Variants in SLCO3A1 observed in about 807,000 individuals in gnomAD.
SLCO3A1 encodes the protein solute carrier organic anion transporter family member 3A1, also known as PGE1 transporter.
Under a neutral mutation model 63.1 loss-of-function variants are expected in SLCO3A1, and 27 were observed. The ratio of observed to expected loss-of-function variants is 0.43; its 90% CI spans 0.32 to 0.59. SLCO3A1 has a LOEUF of 0.59. Among genes scored for constraint, SLCO3A1 ranks in the 20% least tolerant of loss-of-function variants. The probability of loss-of-function intolerance (pLI) is 0.09; values close to 1 mark genes in which losing one functional copy is unlikely to be tolerated. For synonymous variants in SLCO3A1, 473 were observed against 409.9 expected (o/e 1.15, Z -1.86); for missense variants, 773 against 945.8 (o/e 0.82, Z 2.40).
intron 2 of SLCO3A1, among the ~76,000 whole-genome samples, chr15:91,974,276 T>TATTATTATTATTA (rs1901008131): frequency 6.7e-6 from 1 of 148,952 alleles, no homozygotes. Context: ...TTATTATTAT[T>TATTATTATTATTA]ATTATTATTA....
chr15:91,978,719 T>C (rs1901216015), intron 2 of SLCO3A1, among the ~76,000 whole-genome samples: 1 of 152,236 alleles, frequency 6.6e-6, no homozygotes, highest in Non-Finnish European at 1.5e-5. Context: ...AGTAGATAGA[T>C]TAAACTAAAC....
chr15:92,164,542 A>G lies in SLCO3A1; in HGVS notation c.*1407A>G. The stretch of plus-strand genomic sequence containing the variant: ...CACTCTTAGATGTGGGTTTGTGTGT[A>G]TGGGTGCAACACTTCCGGGGATAGG... On this transcript the variant is annotated 3_prime_UTR_variant, in exon 10 of 10. Coordinates refer to ENST00000318445, the MANE Select transcript of SLCO3A1 (RefSeq NM_013272.4). 1 of 985,372 alleles carries G rather than the reference A, an allele frequency of 1.0e-6. No homozygotes were observed. The highest frequency in any genetic ancestry group is 1.2e-6 in the Non-Finnish European group (1 of 829,924). The allele number at this position is 985,372 out of a possible 1,614,324, so 61.0% of individuals were successfully genotyped here. A position where few individuals can be genotyped will look rare whatever the true frequency, so the allele number is the denominator to read the frequency against.
Position 91,901,461 on chromosome 15 carries a change from A to G in SLCO3A1, c.181-14532A>G, listed in dbSNP as rs1898152926. On this transcript the variant is annotated intron_variant, in intron 1 of 9. Transcript: ENST00000318445. ...TCTTTATTAATGTATATCTTAGTGT[A>G]TATTTGAGTTACTATATGGTATCGT... Among the ~76,000 whole-genome samples the G allele has an allele frequency of 1.3e-5, 2 of 152,176 alleles. 1 individual carries two copies. The highest frequency in any genetic ancestry group is 4.1e-4 in the South Asian group (2 of 4,824).
intron 7 of SLCO3A1, among the ~76,000 whole-genome samples, chr15:92,131,346 T>TGAAACTATCCCCCAAA (rs2047993471): frequency 1.4e-5 from 2 of 141,198 alleles, no homozygotes; most frequent in Admixed American, 7.2e-5. Flanking sequence ...AGCCTCAACC[T>TGAAACTATCCCCCAAA]CCCTATTCCT....
chr15:91,891,324 G>C (rs1897865352), intron 1 of SLCO3A1, among the ~76,000 whole-genome samples: 1 of 152,168 alleles, frequency 6.6e-6, no homozygotes. Context: ...TCTGAAGTCA[G>C]GCTTTCTTCC....
At chr15:91,963,427 C>A (rs1470403151) in intron 2 of SLCO3A1, among the ~76,000 whole-genome samples, 1 of 145,082 alleles carries the variant, frequency 6.9e-6, no homozygotes, top group Non-Finnish European at 1.5e-5. Flanking sequence ...GGGGCGGCAG[C>A]AGCCTGGGGC....
chr15:91,880,760 C>T (rs1897561736), intron 1 of SLCO3A1, among the ~76,000 whole-genome samples: 1 of 152,038 alleles, frequency 6.6e-6, no homozygotes, highest in African/African-American at 2.4e-5. Context: ...TAACCGTTCA[C>T]CTCTTGATGG....
intron 2 of SLCO3A1, among the ~76,000 whole-genome samples, chr15:92,022,805 G>C (rs974736943): frequency 1.5e-4 from 23 of 152,180 alleles, no homozygotes; most frequent in African/African-American, 4.8e-4. Context: ...CTGCACCAGG[G>C]CTTCAAGAGT....
chr15:92,033,298 G>T lies in SLCO3A1; in HGVS notation c.647-61583G>T, dbSNP rs2046678830. ...ACCTGCAAGTGTGGAAATGGACACG[G>T]ATGTCCTCTTAGTATTTCTGCCCTT... On this transcript the variant is annotated intron_variant, in intron 2 of 9. Coordinates refer to ENST00000318445, the MANE Select transcript of SLCO3A1 (RefSeq NM_013272.4). This position sits in a 1 kb window ranked among gnomAD's most constrained non-coding sequence, Gnocchi z 4.5. Among the ~76,000 whole-genome samples the T allele has an allele frequency of 6.6e-6, 1 of 152,218 alleles. No homozygotes were observed. The highest frequency in any genetic ancestry group is 2.4e-5 in the African/African-American group (1 of 41,448).
Position 91,887,338 on chromosome 15 carries a change from C to T in SLCO3A1, c.181-28655C>T, listed in dbSNP as rs1897750249. Among the ~76,000 whole-genome samples, 3 of 152,284 alleles carry T rather than the reference C, an allele frequency of 2.0e-5. No homozygotes were observed. In the South Asian group the frequency reaches 6.2e-4, roughly 32 times the overall value. On this transcript the variant is annotated intron_variant, in intron 1 of 9. Coordinates refer to ENST00000318445, the MANE Select transcript of SLCO3A1 (RefSeq NM_013272.4). ...TGCCTGAGTTTTGATGTCGAGACCC[C>T]TGCCTGCCCAATTCCTGCAACAATG... is the stretch of plus-strand genomic sequence containing the variant.
chr15:92,030,027 G>A (rs542103116), intron 2 of SLCO3A1, among the ~76,000 whole-genome samples: 8 of 152,238 alleles, frequency 5.3e-5, no homozygotes, highest in East Asian at 1.9e-4. Context: ...CTACATTTTC[G>A]TAACAGTTGG....
chr15:92,090,301 CTG>C (rs1567114018), intron 2 of SLCO3A1, among the ~76,000 whole-genome samples: 2 of 152,182 alleles, frequency 1.3e-5, no homozygotes, highest in Non-Finnish European at 2.9e-5. Flanking sequence ...TCAGGTATTG[CTG>C]TGTTTCCCTT....
At chr15:91,988,246 A>C (rs1237124770) in intron 2 of SLCO3A1, among the ~76,000 whole-genome samples, 1 of 152,052 alleles carries the variant, frequency 6.6e-6, no homozygotes. Context: ...CTACAAAAAA[A>C]ATAAGCCGGG....
Position 92,126,307 on chromosome 15 carries a change from A to G in SLCO3A1, c.1373+48A>G, listed in dbSNP as rs779749847. ...GCCTTCCTGCCTGTTCAGGGACCCT[A>G]GCAATCTCCCTCTGCAGTAGGTTGA... is the stretch of plus-strand genomic sequence containing the variant. On this transcript the variant is annotated intron_variant, in intron 6 of 9. Coordinates refer to ENST00000318445, the MANE Select transcript of SLCO3A1 (RefSeq NM_013272.4). The G allele has an allele frequency of 4.6e-6, 7 of 1,524,622 alleles. No individual in the cohort carries two copies. In the Admixed American group the frequency reaches 6.7e-5, roughly 15 times the overall value. 94.4% of individuals were successfully genotyped at this position (1,524,622 alleles called of 1,614,324 possible).
At chr15:91,933,802 AAGTAGC>A (rs1260307780) in intron 2 of SLCO3A1, among the ~76,000 whole-genome samples, 1 of 152,244 alleles carries the variant, frequency 6.6e-6, no homozygotes, top group Non-Finnish European at 1.5e-5. Flanking sequence ...CAGAGCTAGT[AAGTAGC>A]AGAACTTGAA....
At chr15:91,870,428 T>A (rs769912878) in intron 1 of SLCO3A1, among the ~76,000 whole-genome samples, 20 of 152,354 alleles carry the variant, frequency 1.3e-4, no homozygotes, top group Middle Eastern at 3.4e-3. Flanking sequence ...AATTTATTAT[T>A]GCCTATAGGT....
downstream of SLCO3A1, among the ~76,000 whole-genome samples, chr15:92,167,860 T>A (rs1274473661): frequency 6.6e-6 from 1 of 152,222 alleles, no homozygotes; most frequent in Non-Finnish European, 1.5e-5. Flanking sequence ...GATGGCCCTG[T>A]CCCTTAGAAA....
At chr15:92,087,404 C>T (rs1468748880) in intron 2 of SLCO3A1, among the ~76,000 whole-genome samples, 1 of 152,120 alleles carries the variant, frequency 6.6e-6, no homozygotes, top group African/African-American at 2.4e-5. Flanking sequence ...AGTTGTGCTT[C>T]TTCAAACATG....
At chr15:92,047,577 TATATAATATATATATA>T (rs2046899940) in intron 2 of SLCO3A1, among the ~76,000 whole-genome samples, 1 of 20,174 alleles carries the variant, frequency 5.0e-5, no homozygotes, top group Non-Finnish European at 8.2e-5. Context: ...TATAAATATA[TATATAATATATATATA>T]ATATATAATA....
Sources: gnomAD v4.1 joint callset for allele counts (sites outside exome capture counted in the v4.1 genomes callset) on GRCh38, gnomAD v4.1.1 for gene constraint, Gnocchi (gnomAD v3.1) non-coding constraint, MANE v1.5 for transcripts, NCBI Gene and HGNC (gene_info 2026-07-23, HGNC 2026-07-21) for gene names.